The following TNIK variants were observed in gnomAD, a reference collection of about 807,000 sequenced individuals.
The protein encoded by TNIK is TRAF2 and NCK-interacting protein kinase.
In TNIK, 49 loss-of-function variants were observed where a neutral mutation model predicts 191.3. The observed-to-expected ratio is 0.26, with a 90% CI of 0.20 to 0.32. The LOEUF is 0.32. Among genes scored for constraint, TNIK ranks in the 10% least tolerant of loss-of-function variants. The pLI, the probability that TNIK is intolerant of heterozygous loss-of-function variation, is 1.00. For synonymous variants in TNIK, 594 were observed against 600.9 expected, an observed-to-expected ratio of 0.99 and a Z score of 0.17; for missense variants, 1,155 against 1,702.3, an observed-to-expected ratio of 0.68 and a Z score of 5.66.
At position 171,460,170 on chromosome 3, in the gene TNIK, G is replaced by A; in HGVS notation, c.-107C>T. ...GCGTCCTCATGCGGGTGTCGCGCCA[G>A]AGGCCCCGGGCCCAGCCTCCCCCGC... On this transcript the variant is annotated 5_prime_UTR_variant, in exon 1 of 33. Transcript: ENST00000436636. The surrounding 1 kb of genome is among the most constrained non-coding windows in gnomAD (Gnocchi z 6.8). 1 of 1,416,998 alleles carries A rather than the reference G, an allele frequency of 7.1e-7. No homozygotes were observed. Among genetic ancestry groups the A allele is most frequent in the Non-Finnish European group, 9.6e-7 (1 of 1,037,482 alleles). 87.8% of individuals were successfully genotyped at this position (1,416,998 alleles called of 1,614,324 possible).
chr3:171,182,724 G>A (rs1359427303), intron 7 of TNIK, among the ~76,000 whole-genome samples: 1 of 152,124 alleles, frequency 6.6e-6, no homozygotes, highest in Non-Finnish European at 1.5e-5. Context: ...ATTCCTTCTG[G>A]GGCTGGGCTG....
At chr3:171,135,462 CCTT>C (rs1171585300) in intron 15 of TNIK, among the ~76,000 whole-genome samples, 1 of 152,192 alleles carries the variant, frequency 6.6e-6, no homozygotes, top group African/African-American at 2.4e-5. Flanking sequence ...CTGTCACTCT[CCTT>C]CTATCAACTA....
intron 2 of TNIK, among the ~76,000 whole-genome samples, chr3:171,358,740 G>C (rs1041162732): frequency 6.6e-6 from 1 of 152,150 alleles, no homozygotes; most frequent in African/African-American, 2.4e-5. Flanking sequence ...GCAGTTGTGG[G>C]GCGGTCAGTC....
Position 171,126,149 on chromosome 3 carries a change from G to A in TNIK, c.1776C>T (p.Ile592=). Residue 592 remains isoleucine, a splice_region_variant and synonymous_variant, in exon 17 of 33, where the codon ATC becomes ATT. Transcript: ENST00000436636. ...GGGATTTTACAGCTACCAGATGTGG[G>A]ATCTAAGCATCAAAACAACATGAAA... ...PPMLRPVDPQ[I]PHLVAVKSQG... is the part of the protein sequence containing the mutation. The A allele has an allele frequency of 6.5e-7, 1 of 1,528,458 alleles. No individual in the cohort carries two copies. The highest frequency in any genetic ancestry group is 8.8e-7 in the Non-Finnish European group (1 of 1,141,828). 94.7% of individuals were successfully genotyped at this position (1,528,458 alleles called of 1,614,324 possible). A position where few individuals can be genotyped will look rare whatever the true frequency, so the allele number is the denominator to read the frequency against.
rs538801054 is a variant in TNIK at position 171,162,598 on chromosome 3, T to A, written c.950-1262A>T. 2.6e-5 allele frequency among the ~76,000 whole-genome samples: 4 copies of A among 152,260 alleles called. No individual in the cohort carries two copies. The South Asian group carries it at 8.3e-4, about 32-fold the overall frequency. On this transcript the variant is annotated intron_variant, in intron 10 of 32. Coordinates refer to ENST00000436636, the MANE Select transcript of TNIK (RefSeq NM_015028.4). ...ATCTAATATGTGAGATGAGTAAATA[T>A]CAGAGCCTTCATGATTGTGAAGAAA...
intron 18 of TNIK, among the ~76,000 whole-genome samples, chr3:171,114,733 G>C (rs1726410246): frequency 6.6e-6 from 1 of 152,280 alleles, no homozygotes; most frequent in Non-Finnish European, 1.5e-5. Context: ...GTTGCAGAGT[G>C]ATCATTGGTA....
At chr3:171,207,873 T>C (rs1740296417) in intron 4 of TNIK, among the ~76,000 whole-genome samples, 1 of 152,170 alleles carries the variant, frequency 6.6e-6, no homozygotes, top group Non-Finnish European at 1.5e-5. Context: ...CATAAACCAA[T>C]GATTTTGTCA....
chr3:171,121,752 T>C (rs886716433), intron 18 of TNIK, among the ~76,000 whole-genome samples: 3 of 152,184 alleles, frequency 2.0e-5, no homozygotes, highest in Non-Finnish European at 1.5e-5. Flanking sequence ...CTTGAAGCTT[T>C]TAAAAATGCA....
Position 171,093,934 on chromosome 3 carries a change from T to C in TNIK, c.2626A>G (p.Asn876Asp). ...CCATGCGTCCCCACCATTCCCACAT[T>C]GTACTGCTCGTTGCTGCCTGGAGCT... ...TGAPGSNEQY[N>D]VGMVGTHGLE... The change falls in exon 23 of 33, where the codon AAT becomes GAT. Residue 876 changes from asparagine to aspartate, a missense_variant. Coordinates refer to ENST00000436636, the MANE Select transcript of TNIK (RefSeq NM_015028.4). 6.2e-7 allele frequency: 1 copy of C among 1,613,762 alleles called. No homozygotes were observed. The highest frequency in any genetic ancestry group is 1.1e-5 in the South Asian group (1 of 91,014).
rs1179970831 is a variant in TNIK at position 171,313,075 on chromosome 3, A to C, written c.123+56545T>G. On this transcript the variant is annotated intron_variant, in intron 2 of 32. Coordinates refer to ENST00000436636, the MANE Select transcript of TNIK (RefSeq NM_015028.4). ...TTGCAGTCACCGAGACAGTGTTTTG[A>C]AAACGAAGGAAGAATGCAAATGTGT... 2.0e-5 allele frequency among the ~76,000 whole-genome samples: 3 copies of C among 152,164 alleles called. No homozygotes were observed. In the East Asian group the frequency reaches 5.8e-4, roughly 29 times the overall value.
At chr3:171,430,367 T>C (rs1331443290) in intron 1 of TNIK, among the ~76,000 whole-genome samples, 14 of 152,094 alleles carry the variant, frequency 9.2e-5, no homozygotes, top group Admixed American at 8.5e-4. Context: ...AGCCCTGTCA[T>C]AGTGGCTCAT....
chr3:171,327,900 T>TTAAAAAAAAAAAAAA (rs1755963954), intron 2 of TNIK, among the ~76,000 whole-genome samples: 1 of 79,622 alleles, frequency 1.3e-5, no homozygotes, highest in African/African-American at 4.1e-5. Context: ...ACCTGGCTCA[T>TTAAAAAAAAAAAAAA]AAAAAAAAAA....
Position 171,194,514 on chromosome 3 carries a change from T to C in TNIK, c.417+11A>G, listed in dbSNP as rs141160238. On this transcript the variant is annotated intron_variant, in intron 5 of 32. Coordinates refer to ENST00000436636, the MANE Select transcript of TNIK (RefSeq NM_015028.4). Reference sequence around the variant, plus strand: ...CTTTGGGAGGTGGGCCAGTCCCCACTCGTAACCTACCCGTAAGATTTCCCT... The same window carrying C: ...CTTTGGGAGGTGGGCCAGTCCCCACCCGTAACCTACCCGTAAGATTTCCCT... 1.2e-6 allele frequency: 2 copies of C among 1,612,792 alleles called. No individual in the cohort carries two copies. Among genetic ancestry groups the C allele is most frequent in the East Asian group, 2.2e-5 (1 of 44,864 alleles).
intron 2 of TNIK, among the ~76,000 whole-genome samples, chr3:171,250,902 A>G (rs1323341811): frequency 6.6e-6 from 1 of 152,196 alleles, no homozygotes; most frequent in East Asian, 1.9e-4. Flanking sequence ...ACAATTATCA[A>G]TTGATGGTGT....
chr3:171,294,740 A>G (rs1032397801), intron 2 of TNIK, among the ~76,000 whole-genome samples: 3 of 152,220 alleles, frequency 2.0e-5, no homozygotes, highest in African/African-American at 7.2e-5. Context: ...TAATAATAAT[A>G]ATGAATGACA....
chr3:171,094,772 C>T (rs1393089340), intron 22 of TNIK, among the ~76,000 whole-genome samples: 1 of 152,160 alleles, frequency 6.6e-6, no homozygotes, highest in Admixed American at 6.5e-5. Flanking sequence ...TATGTCTTGT[C>T]CCAACAGCCC....
intron 17 of TNIK, among the ~76,000 whole-genome samples, chr3:171,125,364 C>T (rs1392836484): frequency 4.6e-5 from 7 of 152,102 alleles, no homozygotes; most frequent in Non-Finnish European, 1.0e-4. Flanking sequence ...GTCATTTTAC[C>T]CTAAGGTTTT....
At chr3:171,187,875 CA>C (rs1226662317) in intron 7 of TNIK, among the ~76,000 whole-genome samples, 2 of 152,168 alleles carry the variant, frequency 1.3e-5, no homozygotes, top group Non-Finnish European at 2.9e-5. Flanking sequence ...GTAATGTACA[CA>C]AAGACCACAG....
intron 27 of TNIK, among the ~76,000 whole-genome samples, chr3:171,080,506 G>A (rs1032478890): frequency 1.3e-4 from 20 of 151,176 alleles, no homozygotes; most frequent in Non-Finnish European, 2.7e-4. Flanking sequence ...GCATGATCTC[G>A]GCTCACTGCA....
Sources: gnomAD v4.1 joint callset for allele counts (sites outside exome capture counted in the v4.1 genomes callset) on GRCh38, gnomAD v4.1.1 for gene constraint, Gnocchi (gnomAD v3.1) non-coding constraint, MANE v1.5 for transcripts, NCBI Gene and HGNC (gene_info 2026-07-23, HGNC 2026-07-21) for gene names.